The following PRR5L variants were observed in gnomAD, a reference collection of about 807,000 sequenced individuals.
PRR5L encodes the protein proline rich 5 like, also known as proline-rich protein 5-like.
In PRR5L, 21 loss-of-function variants were observed where a neutral mutation model predicts 36.4. The observed-to-expected ratio is 0.58, with a 90% CI of 0.41 to 0.83. The LOEUF is 0.83. Ranked by LOEUF, PRR5L falls within the 40% of genes least tolerant of loss-of-function variation. PRR5L has a pLI of 0.00. For missense variants in PRR5L, 381 were observed against 473.3 expected (o/e 0.80, Z 1.81); for synonymous variants, 188 against 197.0 (o/e 0.95, Z 0.38).
chr11:36,431,838 G>A lies in PRR5L; in HGVS notation c.295-15G>A, dbSNP rs890308946. 1.2e-6 allele frequency: 2 copies of A among 1,613,688 alleles called. No individual in the cohort carries two copies. Among genetic ancestry groups the A allele is most frequent in the Non-Finnish European group, 8.5e-7 (1 of 1,179,592 alleles). On this transcript the variant is annotated splice_polypyrimidine_tract_variant and intron_variant, in intron 4 of 8. Transcript: ENST00000530639. ...AGTTGTCCAAATTCTTATGTTCTTTGTTCTCTTTTGGCAGAACCAGCTTCT... is the reference window on the plus strand; with the variant it reads ...AGTTGTCCAAATTCTTATGTTCTTTATTCTCTTTTGGCAGAACCAGCTTCT...
At chr11:36,415,319 A>G (rs910559652) in intron 3 of PRR5L, among the ~76,000 whole-genome samples, 1 of 152,230 alleles carries the variant, frequency 6.6e-6, no homozygotes, top group Non-Finnish European at 1.5e-5. Flanking sequence ...ACTTCAGGGA[A>G]TCAAGCTGGC....
intron 1 of PRR5L, among the ~76,000 whole-genome samples, chr11:36,322,756 C>T (rs956191846): frequency 1.3e-5 from 2 of 152,058 alleles, no homozygotes; most frequent in Non-Finnish European, 2.9e-5. Flanking sequence ...TGGATTGTTA[C>T]CCACAAAAGA....
At chr11:36,427,670 C>T (rs1000024820) in intron 4 of PRR5L, among the ~76,000 whole-genome samples, 1 of 152,208 alleles carries the variant, frequency 6.6e-6, no homozygotes, top group Non-Finnish European at 1.5e-5. Context: ...TTAAGCCCCA[C>T]AGATGTCAAG....
intron 1 of PRR5L, among the ~76,000 whole-genome samples, chr11:36,358,253 C>T (rs1232333423): frequency 1.3e-5 from 2 of 152,160 alleles, no homozygotes; most frequent in African/African-American, 4.8e-5. Flanking sequence ...TATCAGCTAT[C>T]TCTTGTGAAA....
intron 1 of PRR5L, among the ~76,000 whole-genome samples, chr11:36,299,066 G>A (rs1856345398): frequency 6.6e-6 from 1 of 152,204 alleles, no homozygotes; most frequent in South Asian, 2.1e-4. Flanking sequence ...GATAGTTGAG[G>A]CCACAACAAG....
At chr11:36,394,987 G>T (rs1857628842) in intron 1 of PRR5L, among the ~76,000 whole-genome samples, 1 of 152,102 alleles carries the variant, frequency 6.6e-6, no homozygotes, top group Non-Finnish European at 1.5e-5. Flanking sequence ...AGAGCTATAA[G>T]CATTATACTT....
At chr11:36,455,470 T>G (rs1859036583) in intron 8 of PRR5L, 1 of 152,826 alleles carries the variant, frequency 6.5e-6, no homozygotes, top group Non-Finnish European at 1.5e-5. Context: ...GAATAAAGCC[T>G]CCCCTTGGCC....
At chr11:36,392,784 T>C (rs7115644) in intron 1 of PRR5L, among the ~76,000 whole-genome samples, 104,974 of 151,908 alleles carry the variant, frequency 0.69, 38,551 homozygotes, top group Non-Finnish European at 0.83. Context: ...TCAGATCTCA[T>C]GAGAACTCAC....
chr11:36,361,537 A>G (rs1857088843), intron 1 of PRR5L, among the ~76,000 whole-genome samples: 1 of 152,240 alleles, frequency 6.6e-6, no homozygotes, highest in Non-Finnish European at 1.5e-5. Context: ...CTAAGACTTT[A>G]AAGGGTTACT....
At chr11:36,458,030 A>C (rs2133636020) in intron 8 of PRR5L, among the ~76,000 whole-genome samples, 1 of 152,364 alleles carries the variant, frequency 6.6e-6, no homozygotes, top group South Asian at 2.1e-4. Flanking sequence ...GAATGTGGGA[A>C]CATTATAGAA....
At chr11:36,387,942 G>GA (rs11427574) in intron 1 of PRR5L, among the ~76,000 whole-genome samples, 109,560 of 151,948 alleles carry the variant, frequency 0.72, 39,731 homozygotes, top group East Asian at 0.8. Context: ...ACTTTCTTGG[G>GA]AAAAATCAGA....
intron 1 of PRR5L, among the ~76,000 whole-genome samples, chr11:36,325,265 G>C (rs781614772): frequency 6.6e-6 from 1 of 152,242 alleles, no homozygotes; most frequent in Non-Finnish European, 1.5e-5. Flanking sequence ...CCTTTAGCCC[G>C]ATTTGGAGCA....
intron 1 of PRR5L, among the ~76,000 whole-genome samples, chr11:36,328,301 T>C (rs79108216): frequency 0.096 from 14,618 of 152,186 alleles, 1,285 homozygotes; most frequent in African/African-American, 0.24. Context: ...TTTGTGTCCC[T>C]GCCCAAATCT....
intron 8 of PRR5L, among the ~76,000 whole-genome samples, chr11:36,452,440 T>C (rs544836560): frequency 7.2e-5 from 11 of 152,360 alleles, no homozygotes; most frequent in Non-Finnish European, 1.3e-4. Flanking sequence ...GCTCATGTTT[T>C]TCTGGAGACA....
chr11:36,322,518 C>A (rs955192653), intron 1 of PRR5L, among the ~76,000 whole-genome samples: 1 of 152,160 alleles, frequency 6.6e-6, no homozygotes, highest in Non-Finnish European at 1.5e-5. Context: ...TTGGGGAATT[C>A]TTTCTCTAGT....
chr11:36,310,256 G>A (rs16928676), intron 1 of PRR5L, among the ~76,000 whole-genome samples: 7,659 of 152,130 alleles, frequency 0.05, 651 homozygotes, highest in African/African-American at 0.17. Flanking sequence ...GGCAGCAAGC[G>A]CATCAAGAAC....
intron 1 of PRR5L, among the ~76,000 whole-genome samples, chr11:36,375,267 A>C (rs1434182286): frequency 3.3e-5 from 5 of 151,750 alleles, no homozygotes; most frequent in Admixed American, 6.6e-5. Context: ...TTTCCCAGGC[A>C]TGTGTCCCAT....
At chr11:36,397,130 C>T (rs551213081) in intron 1 of PRR5L, among the ~76,000 whole-genome samples, 13 of 149,464 alleles carry the variant, frequency 8.7e-5, no homozygotes, top group Admixed American at 1.3e-4. Context: ...TGCAGTGGCA[C>T]GATCTTGGCT....
rs556358897 is a variant in PRR5L at position 36,355,823 on chromosome 11, A to T, written c.-125-45174A>T. On this transcript the variant is annotated intron_variant, in intron 1 of 8. Coordinates refer to ENST00000530639, the MANE Select transcript of PRR5L (RefSeq NM_001160167.2). ...GGTGATCTGCCTGCCTTGGCCTCCC[A>T]GAGTGCTGGGATTACAGGGGTGAGC... Among the ~76,000 whole-genome samples, 15 of 152,048 alleles carry T rather than the reference A, an allele frequency of 9.9e-5. No homozygotes were observed. In the South Asian group the frequency reaches 3.1e-3, roughly 32 times the overall value.
Sources: gnomAD v4.1 joint callset for allele counts (sites outside exome capture counted in the v4.1 genomes callset) on GRCh38, gnomAD v4.1.1 for gene constraint, MANE v1.5 for transcripts, NCBI Gene and HGNC (gene_info 2026-07-23, HGNC 2026-07-21) for gene names.